The following FLII variants were observed in gnomAD, a reference collection of about 807,000 sequenced individuals.
FLII encodes FLII actin remodeling protein.
Under a neutral mutation model 156.2 loss-of-function variants are expected in FLII, and 101 were observed. The observed-to-expected ratio is 0.65, with a 90% CI of 0.55 to 0.76. The LOEUF is 0.76. FLII is among the 30% of genes least tolerant of loss of function. The pLI is 0.00. For missense variants in FLII, 1,675 were observed against 1,682.8 expected (o/e 1.00, Z 0.08); for synonymous variants, 767 against 685.8 (o/e 1.12, Z -1.85).
chr17:18,247,318 T>G lies in FLII; in HGVS notation c.2527A>C (p.Thr843Pro), dbSNP rs755676063. 6.2e-7 allele frequency: 1 copy of G among 1,609,292 alleles called. No homozygotes were observed. Among genetic ancestry groups the G allele is most frequent in the Non-Finnish European group, 8.5e-7 (1 of 1,178,622 alleles). The part of the protein sequence containing the change: ...AKFKNWDDVL[T>P]VDYTRNAEAV... ...TCCGCATTGCGTGTGTAGTCCACCG[T>G]CAACACATCGTCCCAATTCTTGAAC... The change falls in exon 21 of 30, where the codon ACG becomes CCG. Residue 843 changes from threonine (T) to proline (P), a missense_variant. Thr to Pro is a conservative substitution (Grantham distance 38). Around this residue, in one of 2 missense-constraint regions of FLII, gnomAD observed 1,332 missense variants for 1,269.3 expected, o/e 1.05. Coordinates refer to ENST00000327031, the MANE Select transcript of FLII (RefSeq NM_002018.4).
chr17:18,248,039 A>G lies in FLII; in HGVS notation c.2191-6T>C. 1 of 1,599,356 alleles carries G rather than the reference A, an allele frequency of 6.3e-7. No individual in the cohort carries two copies. Among genetic ancestry groups the G allele is most frequent in the Non-Finnish European group, 8.6e-7 (1 of 1,167,568 alleles). On this transcript the variant is annotated splice_region_variant and splice_polypyrimidine_tract_variant and intron_variant, in intron 18 of 29. Coordinates refer to ENST00000327031, the MANE Select transcript of FLII (RefSeq NM_002018.4). The stretch of plus-strand genomic sequence containing the variant: ...TAGCCCAAGCCCAGGCCCACCTGGC[A>G]GGAAGGATGAGCATGGCAGGGAAGG...
At position 18,250,836 on chromosome 17, in the gene FLII, A is replaced by G; in HGVS notation, c.1776+2T>C. ...CCACCCCCAATTTTAACGGGCTGGC[A>G]CCTGCAGGAACTCCTCGCTCTCATC... On this transcript the variant is annotated splice_donor_variant, in intron 14 of 29. Coordinates refer to ENST00000327031, the MANE Select transcript of FLII (RefSeq NM_002018.4). LOFTEE classifies it high-confidence loss of function. 1 of 1,607,178 alleles carries G rather than the reference A, an allele frequency of 6.2e-7. No homozygotes were observed. Among genetic ancestry groups the G allele is most frequent in the South Asian group, 1.1e-5 (1 of 90,790 alleles).
Position 18,258,063 on chromosome 17 carries a change from C to T in FLII, c.63+565G>A, listed in dbSNP as rs2048479939. Reference sequence around the variant, plus strand: ...TGGCACACCGGCCTGACACACTCTCCACACCAACAAATCTCACTATACTCC... The same window carrying T: ...TGGCACACCGGCCTGACACACTCTCTACACCAACAAATCTCACTATACTCC... On this transcript the variant is annotated intron_variant, in intron 1 of 29. Transcript: ENST00000327031. This position sits in a 1 kb window ranked among gnomAD's most constrained non-coding sequence, Gnocchi z 4.2. Among the ~76,000 whole-genome samples, 1 of 152,258 alleles carries T rather than the reference C, an allele frequency of 6.6e-6. No individual in the cohort carries two copies. The highest frequency in any genetic ancestry group is 2.4e-5 in the African/African-American group (1 of 41,466).
rs1322468135 is a variant in FLII, at chr17:18,251,969, C to G, written c.1246+30G>C. On this transcript the variant is annotated intron_variant, in intron 11 of 29. Coordinates refer to ENST00000327031, the MANE Select transcript of FLII (RefSeq NM_002018.4). ...CATTTGAGGCCTGGAGAGGAGCCCC[C>G]GTTCCCAGGCCAGACCTTTCCCCAC... is the stretch of plus-strand genomic sequence containing the variant. The G allele has an allele frequency of 3.7e-6, 6 of 1,606,588 alleles. No homozygotes were observed. The African/African-American group carries it at 6.7e-5, about 18-fold the overall frequency.
Position 18,258,509 on chromosome 17 carries a change from G to A in FLII, c.63+119C>T, listed in dbSNP as rs2048497651. 1.3e-6 allele frequency: 2 copies of A among 1,507,914 alleles called. No individual in the cohort carries two copies. Among genetic ancestry groups the A allele is most frequent in the Non-Finnish European group, 1.8e-6 (2 of 1,134,926 alleles). 93.4% of individuals were successfully genotyped at this position (1,507,914 alleles called of 1,614,324 possible). A position where few individuals can be genotyped will look rare whatever the true frequency, so the allele number is the denominator to read the frequency against. On this transcript the variant is annotated intron_variant, in intron 1 of 29. Coordinates refer to ENST00000327031, the MANE Select transcript of FLII (RefSeq NM_002018.4). This position sits in a 1 kb window ranked among gnomAD's most constrained non-coding sequence, Gnocchi z 4.2. ...CAGGGGAGAGCCCCACCCCGCCCCG[G>A]CCGCAGTCCCTGGGACACGCAGGGC...
Position 18,246,609 on chromosome 17 carries a change from G to A in FLII, c.3036C>T (p.Phe1012=), listed in dbSNP as rs2048065995. 6.2e-7 allele frequency: 1 copy of A among 1,613,920 alleles called. No individual in the cohort carries two copies. The highest frequency in any genetic ancestry group is 8.5e-7 in the Non-Finnish European group (1 of 1,179,962). ...FSLQKKFESL[F]PGKLEVVRMT... is the part of the protein sequence containing the mutation. ...CCAGGCACACCTCCAGCTTCCCAGG[G>A]AAGAGGCTCTCGAACTTCTTTTGCA... The change falls in exon 23 of 30, where the codon TTC becomes TTT. Residue 1012 remains phenylalanine (F), a synonymous_variant. Transcript: ENST00000327031.
Position 18,249,329 on chromosome 17 carries a change from G to A in FLII, c.1856C>T (p.Thr619Ile). The A allele has an allele frequency of 6.2e-7, 1 of 1,613,900 alleles. No individual in the cohort carries two copies. Among genetic ancestry groups the A allele is most frequent in the Non-Finnish European group, 8.5e-7 (1 of 1,179,776 alleles). Residue 619 changes from threonine (T) to isoleucine (I), a missense_variant, in exon 15 of 30, where the codon ACC becomes ATC. Coordinates refer to ENST00000327031, the MANE Select transcript of FLII (RefSeq NM_002018.4). The stretch of plus-strand genomic sequence containing the variant: ...CCCACTGCCCACACACCCTCACCTG[G>A]TGACATAGTGTGTGTCTTCCACAGT... Reference protein sequence around the residue: ...FYTVEDTHYVTRMYRVYGKKN... With the variant: ...FYTVEDTHYVIRMYRVYGKKN...
At position 18,255,228 on chromosome 17, in the gene FLII, G is replaced by A. The variant is rs371067131; in HGVS notation, c.282C>T (p.Ser94=). 427 of 1,613,952 alleles carry A rather than the reference G, an allele frequency of 2.6e-4. 1 individual carries two copies. The highest frequency in any genetic ancestry group is 2.5e-4 in the Non-Finnish European group (295 of 1,179,970). Residue 94 remains serine (S), a synonymous_variant, in exon 4 of 30, where the codon TCC becomes TCT. Transcript: ENST00000327031. ...IVARANSLKN[S]GVPDDIFKLD... ...GCTTGAAGATGTCATCGGGGACTCC[G>A]GAATTCTTCAGACTGTTGGCTCGGG...
chr17:18,246,725 T>G lies in FLII; in HGVS notation c.2920A>C (p.Lys974Gln), dbSNP rs765214163. The change falls in exon 23 of 30, where the codon AAG becomes CAG. Residue 974 changes from lysine (K) to glutamine (Q), a missense_variant. Lys to Gln is a moderately conservative substitution (Grantham distance 53). Around this residue, in one of 2 missense-constraint regions of FLII, gnomAD observed 1,332 missense variants for 1,269.3 expected, o/e 1.05. Coordinates refer to ENST00000327031, the MANE Select transcript of FLII (RefSeq NM_002018.4). ...GEEATAEAEE[K>Q]QPEEDFQCIV... ...CACTGGAAGTCCTCCTCTGGCTGCT[T>G]CTCCTCTGCCTCAGCGGTTGCTTCC... The G allele has an allele frequency of 1.2e-5, 20 of 1,613,448 alleles. No individual in the cohort carries two copies. Among genetic ancestry groups the G allele is most frequent in the East Asian group, 2.2e-5 (1 of 44,860 alleles).
chr17:18,253,469 A>G lies in FLII; in HGVS notation c.856-11T>C, dbSNP rs762632771. Reference sequence around the variant, plus strand: ...CTTGCAAATGGCTGACTGGAGGGGGAACGGGCAGGGGTGGGAGGTCAGGGC... The same window carrying G: ...CTTGCAAATGGCTGACTGGAGGGGGGACGGGCAGGGGTGGGAGGTCAGGGC... On this transcript the variant is annotated splice_polypyrimidine_tract_variant and intron_variant, in intron 8 of 29. Transcript: ENST00000327031. 10 of 1,613,752 alleles carry G rather than the reference A, an allele frequency of 6.2e-6. No homozygotes were observed. Among genetic ancestry groups the G allele is most frequent in the Non-Finnish European group, 7.6e-6 (9 of 1,180,010 alleles).
intron 14 of FLII, 134 bp downstream of exon 14, chr17:18,250,704 G>T: frequency 1.1e-6 from 1 of 947,854 alleles, no homozygotes; most frequent in Non-Finnish European, 1.6e-6. Context: ...GCACAGTATC[G>T]TTGATCCACC....
chr17:18,247,100 C>A, intron 21 of FLII, 48 bp from the exon 22 acceptor site: 1 of 1,586,426 alleles, frequency 6.3e-7, no homozygotes, highest in Non-Finnish European at 8.5e-7. Flanking sequence ...GCGCGCTCTG[C>A]GCATAGGCCC....
chr17:18,248,502 G>C, intron 18 of FLII, 48 bp downstream of exon 18: 1 of 1,539,640 alleles, frequency 6.5e-7, no homozygotes, highest in East Asian at 2.3e-5. Flanking sequence ...TCCCCCAGTC[G>C]GTGGGTGAAC....
Position 18,247,209 on chromosome 17 carries a change from G to A in FLII, c.2636C>T (p.Ala879Val), listed in dbSNP as rs2048103302. 1.9e-6 allele frequency: 3 copies of A among 1,586,196 alleles called. No homozygotes were observed. The highest frequency in any genetic ancestry group is 1.1e-5 in the South Asian group (1 of 90,206). Residue 879 changes from alanine (A) to valine (V), a missense_variant, in exon 21 of 30, where the codon GCG becomes GTG. Physicochemically the swap from Ala to Val is moderately conservative, Grantham distance 64 (BLOSUM62 0). This residue lies in a region of FLII where 1,332 missense variants were observed against 1,269.3 expected (regional missense o/e 1.05). Coordinates refer to ENST00000327031, the MANE Select transcript of FLII (RefSeq NM_002018.4). ...KKDQMKADLTALFLPRQPPMS... is the reference protein window; with the variant it reads ...KKDQMKADLTVLFLPRQPPMS... ...GGGCGGCTGCCGCGGCAGGAAAAGCGCAGTGAGGTCAGCCTTCATCTGGTC... is the reference window on the plus strand; with the variant it reads ...GGGCGGCTGCCGCGGCAGGAAAAGCACAGTGAGGTCAGCCTTCATCTGGTC...
Position 18,252,672 on chromosome 17 carries a change from T to G in FLII, c.1014-116A>C, listed in dbSNP as rs908843869. On this transcript the variant is annotated intron_variant, in intron 9 of 29. Transcript: ENST00000327031. ...GTAGGGTCAGAGGAACTGGCGGGGGTCTCCATTCTCTGCCTGAAGGACTTC... is the reference window on the plus strand; with the variant it reads ...GTAGGGTCAGAGGAACTGGCGGGGGGCTCCATTCTCTGCCTGAAGGACTTC... 88 of 755,802 alleles carry G rather than the reference T, an allele frequency of 1.2e-4. No individual in the cohort carries two copies. In the Admixed American group the frequency reaches 1.6e-3, roughly 14 times the overall value. The allele number at this position is 755,802 out of a possible 1,614,324, so 46.8% of individuals were successfully genotyped here.
Position 18,258,521 on chromosome 17 carries a change from G to C in FLII, c.63+107C>G. 6.6e-7 allele frequency: 1 copy of C among 1,510,566 alleles called. No individual in the cohort carries two copies. Among genetic ancestry groups the C allele is most frequent in the South Asian group, 1.2e-5 (1 of 81,266 alleles). 93.6% of individuals were successfully genotyped at this position (1,510,566 alleles called of 1,614,324 possible). A position where few individuals can be genotyped will look rare whatever the true frequency, so the allele number is the denominator to read the frequency against. ...CCACCCCGCCCCGGCCGCAGTCCCT[G>C]GGACACGCAGGGCCTGGAGCCGAGC... On this transcript the variant is annotated intron_variant, in intron 1 of 29. Transcript: ENST00000327031. The surrounding 1 kb of genome is among the most constrained non-coding windows in gnomAD (Gnocchi z 4.2).
chr17:18,249,158 C>A lies in FLII; in HGVS notation c.1903G>T (p.Val635Leu). 1.2e-6 allele frequency: 2 copies of A among 1,614,164 alleles called. No individual in the cohort carries two copies. Among genetic ancestry groups the A allele is most frequent in the Non-Finnish European group, 1.7e-6 (2 of 1,180,034 alleles). The change falls in exon 16 of 30, where the codon GTG (valine) becomes TTG (leucine). Residue 635 changes from valine to leucine, a missense_variant. Transcript: ENST00000327031. ...TCCAGAGAGGTCCCCTTGAGGGGCA[C>A]AGGCTCCAACTTGATGTTCTTTTTC... ...YGKKNIKLEP[V>L]PLKGTSLDPR...
chr17:18,251,153 C>G, intron 13 of FLII, 112 bp downstream of exon 13: 2 of 1,414,022 alleles, frequency 1.4e-6, no homozygotes, highest in Non-Finnish European at 1.9e-6. Context: ...CCTCCTGCAG[C>G]CTGCCCACCT....
Position 18,247,354 on chromosome 17 carries a change from A to T in FLII, c.2491T>A (p.Phe831Ile), listed in dbSNP as rs139412135. 43 of 1,599,384 alleles carry T rather than the reference A, an allele frequency of 2.7e-5. No homozygotes were observed. Among genetic ancestry groups the T allele is most frequent in the Non-Finnish European group, 3.3e-5 (39 of 1,173,918 alleles). ...TCCCAATTCTTGAACTTGGCCTTGA[A>T]CACCTGCCAGGGAGGCCATCAACTA... ...RSLEGTEAQV[F>I]KAKFKNWDDV... Residue 831 changes from phenylalanine to isoleucine, a missense_variant, in exon 21 of 30, where the codon TTC becomes ATC. Transcript: ENST00000327031.
Sources: gnomAD v4.1 joint callset for allele counts (sites outside exome capture counted in the v4.1 genomes callset) on GRCh38, gnomAD v4.1.1 for gene constraint, gnomAD v4.1.1 regional missense constraint, Gnocchi (gnomAD v3.1) non-coding constraint, MANE v1.5 for transcripts, NCBI Gene and HGNC (gene_info 2026-07-23, HGNC 2026-07-21) for gene names.